DZIP3: variants seen among roughly 807,000 people sequenced by gnomAD.
DZIP3 encodes DAZ interacting zinc finger protein 3, also known as E3 ubiquitin-protein ligase DZIP3.
In DZIP3, 118 loss-of-function variants were observed where a neutral mutation model predicts 162.0. That is an observed-to-expected ratio of 0.73 (90% confidence interval 0.63 to 0.85). DZIP3 has a LOEUF of 0.85. DZIP3 is among the 40% of genes least tolerant of loss of function. The pLI, the probability that DZIP3 is intolerant of heterozygous loss-of-function variation, is 0.00. For missense variants in DZIP3, 1,331 were observed against 1,407.0 expected, an observed-to-expected ratio of 0.95 and a Z score of 0.86; for synonymous variants, 438 against 458.6, an observed-to-expected ratio of 0.96 and a Z score of 0.57.
chr3:108,594,416 TC>T (rs1247503479), intron 1 of DZIP3, among the ~76,000 whole-genome samples: 3 of 36,512 alleles, frequency 8.2e-5, no homozygotes, highest in Non-Finnish European at 1.6e-4. Context: ...CCCCCTCCCC[TC>T]CCCCCTCCCT....
chr3:108,677,460 G>A lies in DZIP3; in HGVS notation c.2782-37G>A, dbSNP rs754473672. ...CCCATATGCTGTCTCTTTAAAGTTG[G>A]TTGTTCTCTAAAGTATTTTTAGTCT... On this transcript the variant is annotated intron_variant, in intron 25 of 32. Coordinates refer to ENST00000361582, the MANE Select transcript of DZIP3 (RefSeq NM_014648.4). 6 of 1,553,204 alleles carry A rather than the reference G, an allele frequency of 3.9e-6. No individual in the cohort carries two copies. The South Asian group carries it at 6.7e-5, about 17-fold the overall frequency.
chr3:108,626,035 T>C, intron 7 of DZIP3, 66 bp downstream of exon 7: 3 of 1,551,902 alleles, frequency 1.9e-6, no homozygotes, highest in Non-Finnish European at 2.6e-6. Context: ...TGGAAGTAAG[T>C]GTGCACAGTA....
At chr3:108,592,323 GA>G (rs943431831) in intron 1 of DZIP3, among the ~76,000 whole-genome samples, 2 of 152,182 alleles carry the variant, frequency 1.3e-5, no homozygotes, top group African/African-American at 4.8e-5. Context: ...TGAAGAGAGG[GA>G]TGAGTCTAGC....
intron 23 of DZIP3, 125 bp from the exon 24 acceptor site, chr3:108,673,953 A>G (rs544741392): frequency 1.4e-6 from 1 of 728,670 alleles, no homozygotes; most frequent in East Asian, 2.5e-5. Context: ...TGAATGGTCA[A>G]GGAACCTAGA....
chr3:108,667,359 A>T (rs1260052004), intron 21 of DZIP3, among the ~76,000 whole-genome samples: 1 of 152,190 alleles, frequency 6.6e-6, no homozygotes, highest in Non-Finnish European at 1.5e-5. Flanking sequence ...TGCAGACATC[A>T]GAAGATTATG....
At chr3:108,617,492 G>T (rs746425261) in intron 5 of DZIP3, among the ~76,000 whole-genome samples, 1 of 151,906 alleles carries the variant, frequency 6.6e-6, no homozygotes. Context: ...TCTCTTATAG[G>T]TAAAATTAAC....
At chr3:108,689,577 C>T (rs1475967905) in intron 31 of DZIP3, among the ~76,000 whole-genome samples, 1 of 152,122 alleles carries the variant, frequency 6.6e-6, no homozygotes, top group Non-Finnish European at 1.5e-5. Flanking sequence ...GTCCCAGCTA[C>T]TCAGGAGGCT....
rs1190870448 is a variant in DZIP3 at position 108,611,318 on chromosome 3, C to G, written c.247C>G (p.Gln83Glu). ...GTTCTTACAAGAAGATTTTTCCTTC[C>G]AAACTATGCAGGTAACGTCATAAGT... is the stretch of plus-strand genomic sequence containing the variant. ...KKFLQEDFSF[Q>E]TMQREVAANS... The change falls in exon 4 of 33, where the codon CAA becomes GAA. Residue 83 changes from glutamine to glutamate, a missense_variant. Gln to Glu is a conservative substitution (Grantham distance 29, BLOSUM62 2). Coordinates refer to ENST00000361582, the MANE Select transcript of DZIP3 (RefSeq NM_014648.4). 3 of 1,611,770 alleles carry G rather than the reference C, an allele frequency of 1.9e-6. No individual in the cohort carries two copies. In the South Asian group the frequency reaches 3.3e-5, roughly 18 times the overall value.
chr3:108,634,826 G>T (rs758290518), intron 9 of DZIP3, 45 bp from the exon 10 acceptor site: 9 of 1,243,548 alleles, frequency 7.2e-6, no homozygotes, highest in Non-Finnish European at 1.0e-5. Flanking sequence ...ATCTATACAA[G>T]AATCACCATG....
At chr3:108,647,325 TA>T (rs981891269) in intron 15 of DZIP3, among the ~76,000 whole-genome samples, 10 of 152,072 alleles carry the variant, frequency 6.6e-5, no homozygotes, top group African/African-American at 2.2e-4. Context: ...ATTTTTGTGC[TA>T]TTTTTTTTAA....
intron 32 of DZIP3, chr3:108,691,417 A>G (rs568646492): frequency 3.2e-4 from 48 of 152,228 alleles, no homozygotes; most frequent in African/African-American, 1.1e-3. Flanking sequence ...GTAAAAAAAA[A>G]AAAAGAAGTG....
At position 108,610,396 on chromosome 3, in the gene DZIP3, G is replaced by A. The variant is rs558632731; in HGVS notation, c.103-778G>A. Among the ~76,000 whole-genome samples the A allele has an allele frequency of 8.5e-5, 13 of 152,322 alleles. No individual in the cohort carries two copies. In the South Asian group the frequency reaches 1.2e-3, roughly 15 times the overall value. On this transcript the variant is annotated intron_variant, in intron 3 of 32. Coordinates refer to ENST00000361582, the MANE Select transcript of DZIP3 (RefSeq NM_014648.4). ...GAGAAGGGCAAAACACCATAGTTGAGATTAGACAGATAGTCCTGCAATGGA... is the reference window on the plus strand; with the variant it reads ...GAGAAGGGCAAAACACCATAGTTGAAATTAGACAGATAGTCCTGCAATGGA...
chr3:108,674,875 T>C (rs943592773), intron 24 of DZIP3, among the ~76,000 whole-genome samples: 8 of 151,960 alleles, frequency 5.3e-5, no homozygotes, highest in Admixed American at 5.3e-4. Flanking sequence ...ATAATCAGCA[T>C]TGTTCTTTCA....
At position 108,672,658 on chromosome 3, in the gene DZIP3, TAAC is replaced by T; in HGVS notation, c.2589+8_2589+10del. On this transcript the variant is annotated splice_donor_5th_base_variant and intron_variant, in intron 23 of 32. Transcript: ENST00000361582. ...ACTAGCAGAGCTTTAACAGCCGAGGTAACAACAAAACGGGGACAGGGGTATGGG... is the reference window on the plus strand; with the variant it reads ...ACTAGCAGAGCTTTAACAGCCGAGGTAACAAAACGGGGACAGGGGTATGGG... 1 of 1,610,906 alleles carries T rather than the reference TAAC, an allele frequency of 6.2e-7. No individual in the cohort carries two copies. Among genetic ancestry groups the T allele is most frequent in the Non-Finnish European group, 8.5e-7 (1 of 1,178,064 alleles).
chr3:108,619,083 A>G (rs9847093), intron 5 of DZIP3, among the ~76,000 whole-genome samples: 2,447 of 149,994 alleles, frequency 0.016, 82 homozygotes, highest in African/African-American at 0.058. Context: ...AAAAAAAAAA[A>G]AAAGAAAGCT....
In DZIP3 at chr3:108,631,055, A is replaced by ACACACACACACACATACACTCT; in HGVS notation, c.696+1880_696+1881insACACACACACACATACACTCTC. 3.3e-3 allele frequency among the ~76,000 whole-genome samples: 59 copies of ACACACACACACACATACACTCT among 18,018 alleles called. 7 individuals are homozygous for ACACACACACACACATACACTCT. The highest frequency in any genetic ancestry group is 3.9e-3 in the Non-Finnish European group (44 of 11,164). 11.8% of individuals were successfully genotyped at this position (18,018 alleles called of 152,430 possible). On this transcript the variant is annotated intron_variant, in intron 8 of 32. Transcript: ENST00000361582. ...CACACACACACACACACACACACAC[A>ACACACACACACACATACACTCT]CTCTCTCTCTCTCTCTCTCTCTCTC...
intron 5 of DZIP3, among the ~76,000 whole-genome samples, chr3:108,621,160 G>T (rs1941315505): frequency 6.6e-6 from 1 of 152,050 alleles, no homozygotes; most frequent in Non-Finnish European, 1.5e-5. Context: ...AGATACTTCA[G>T]TGTTCGTTAT....
intron 8 of DZIP3, among the ~76,000 whole-genome samples, chr3:108,631,253 C>T (rs78107819): frequency 0.036 from 5,490 of 151,918 alleles, 159 homozygotes; most frequent in Non-Finnish European, 0.051. Context: ...GGTGGTGCAA[C>T]TCCTCTATTC....
chr3:108,643,610 A>G (rs1431918134), intron 13 of DZIP3, among the ~76,000 whole-genome samples: 4 of 150,812 alleles, frequency 2.7e-5, no homozygotes, highest in South Asian at 4.2e-4. Context: ...GCTATCTAGT[A>G]TAGCAGTCCC....
Sources: allele counts gnomAD v4.1 joint callset (sites outside exome capture counted in the v4.1 genomes callset), GRCh38; gene constraint gnomAD v4.1.1; transcripts MANE v1.5; gene names NCBI Gene and HGNC (gene_info 2026-07-23, HGNC 2026-07-21).